Variants in SLC7A14 observed in about 807,000 individuals in gnomAD.
The protein encoded by SLC7A14 is solute carrier family 7 member 14.
Under a neutral mutation model 60.2 loss-of-function variants are expected in SLC7A14, and 37 were observed. That is an observed-to-expected ratio of 0.61 (90% CI 0.47 to 0.81). The LOEUF is 0.81. SLC7A14 is among the 30% of genes least tolerant of loss of function. SLC7A14 has a pLI of 0.00. For synonymous variants in SLC7A14, 399 were observed against 395.8 expected, an observed-to-expected ratio of 1.01 and a Z score of -0.10; for missense variants, 886 against 982.7, an observed-to-expected ratio of 0.90 and a Z score of 1.32.
At chr3:170,540,328 A>G (rs1029036242) in intron 1 of SLC7A14, among the ~76,000 whole-genome samples, 1 of 152,174 alleles carries the variant, frequency 6.6e-6, no homozygotes. Context: ...TTAGAGCTAT[A>G]CTTATCAATG....
At chr3:170,504,653 C>G (rs1485799410) in intron 2 of SLC7A14, among the ~76,000 whole-genome samples, 24 of 151,968 alleles carry the variant, frequency 1.6e-4, no homozygotes, top group Non-Finnish European at 4.4e-5. Flanking sequence ...TATCTAGGGT[C>G]CTAGATTACT....
chr3:170,576,454 G>C (rs1379746309), intron 1 of SLC7A14, among the ~76,000 whole-genome samples: 2 of 152,242 alleles, frequency 1.3e-5, no homozygotes, highest in African/African-American at 4.8e-5. Context: ...TGCCCCTGCA[G>C]AGGTTGGAGG....
intron 2 of SLC7A14, among the ~76,000 whole-genome samples, chr3:170,505,942 C>T (rs1226124519): frequency 1.3e-5 from 2 of 151,674 alleles, no homozygotes; most frequent in African/African-American, 4.8e-5. Context: ...TTTGGTGAAT[C>T]CATTAAAAAA....
intron 4 of SLC7A14, among the ~76,000 whole-genome samples, chr3:170,494,619 G>A (rs956847046): frequency 6.6e-6 from 1 of 152,244 alleles, no homozygotes; most frequent in Non-Finnish European, 1.5e-5. Flanking sequence ...TTTAAGTGGG[G>A]CCTAAACTAG....
chr3:170,544,383 G>A (rs1416107961), intron 1 of SLC7A14, among the ~76,000 whole-genome samples: 1 of 152,222 alleles, frequency 6.6e-6, no homozygotes, highest in Non-Finnish European at 1.5e-5. Context: ...CTCTTTTTGG[G>A]AGGCTAAAAA....
intron 2 of SLC7A14, among the ~76,000 whole-genome samples, chr3:170,504,616 G>A (rs537702460): frequency 2.6e-5 from 4 of 152,180 alleles, no homozygotes; most frequent in Non-Finnish European, 5.9e-5. Context: ...CACTGCGCCC[G>A]GCGAAACCTT....
chr3:170,473,048 T>C (rs1241026807), intron 7 of SLC7A14, among the ~76,000 whole-genome samples: 7 of 152,364 alleles, frequency 4.6e-5, no homozygotes, highest in South Asian at 2.1e-4. Flanking sequence ...TGAAATAGCA[T>C]TGGGACTCAT....
intron 1 of SLC7A14, among the ~76,000 whole-genome samples, chr3:170,558,748 A>G (rs78325706): frequency 0.011 from 1,638 of 152,362 alleles, 31 homozygotes; most frequent in African/African-American, 0.037. Context: ...TGTTTTTCCT[A>G]CAATGTCATT....
At chr3:170,539,397 G>A (rs1713943971) in intron 1 of SLC7A14, among the ~76,000 whole-genome samples, 2 of 151,972 alleles carry the variant, frequency 1.3e-5, no homozygotes, top group South Asian at 4.2e-4. Context: ...GTGGTCTCTT[G>A]TACTCTTTTC....
chr3:170,577,461 A>G (rs1039384041), intron 1 of SLC7A14, among the ~76,000 whole-genome samples: 2 of 151,384 alleles, frequency 1.3e-5, no homozygotes, highest in African/African-American at 4.9e-5. Context: ...TACTAAAAAT[A>G]CAAAAACTTA....
At chr3:170,526,580 A>G in intron 2 of SLC7A14, 53 bp downstream of exon 2, 1 of 1,578,472 alleles carries the variant, frequency 6.3e-7, no homozygotes, top group South Asian at 1.2e-5. Flanking sequence ...ATGAACAGTG[A>G]CCAGGCTGGT....
At chr3:170,470,618 C>CT (rs1365383353) in intron 7 of SLC7A14, among the ~76,000 whole-genome samples, 1 of 151,246 alleles carries the variant, frequency 6.6e-6, no homozygotes, top group Non-Finnish European at 1.5e-5. Flanking sequence ...GTGTGTCTAT[C>CT]TTTCTTGCTG....
intron 2 of SLC7A14, among the ~76,000 whole-genome samples, chr3:170,509,079 C>G (rs1712879770): frequency 6.6e-6 from 1 of 152,196 alleles, no homozygotes; most frequent in South Asian, 2.1e-4. Flanking sequence ...AGTGATTGGT[C>G]AGGTGCTCTG....
Position 170,560,135 on chromosome 3 carries a change from C to T in SLC7A14, c.-153+25776G>A, listed in dbSNP as rs117863940. ...CAGGAGGTCTATTGCTCAAGTAATT[C>T]TATCATTTTAAATTTAAGTTTCTGA... On this transcript the variant is annotated intron_variant, in intron 1 of 7. Transcript: ENST00000231706. 1.1e-3 allele frequency among the ~76,000 whole-genome samples: 168 copies of T among 152,276 alleles called. 5 individuals are homozygous for T. The East Asian group carries it at 0.029, about 26-fold the overall frequency.
chr3:170,540,064 G>T (rs1308575391), intron 1 of SLC7A14, among the ~76,000 whole-genome samples: 6 of 152,130 alleles, frequency 3.9e-5, no homozygotes, highest in Non-Finnish European at 4.4e-5. Flanking sequence ...GCGGGGTGGG[G>T]GGTAGTACAG....
chr3:170,577,215 G>A (rs971415335), intron 1 of SLC7A14, among the ~76,000 whole-genome samples: 1 of 152,236 alleles, frequency 6.6e-6, no homozygotes, highest in African/African-American at 2.4e-5. Flanking sequence ...CAGTCTTGAA[G>A]TAGTGAATGG....
At chr3:170,519,326 C>T (rs2108290202) in intron 2 of SLC7A14, among the ~76,000 whole-genome samples, 1 of 152,326 alleles carries the variant, frequency 6.6e-6, no homozygotes, top group East Asian at 1.9e-4. Context: ...CTTTTCCTTT[C>T]CTTCCTATCA....
At chr3:170,471,988 G>A (rs1345032718) in intron 7 of SLC7A14, among the ~76,000 whole-genome samples, 1 of 152,058 alleles carries the variant, frequency 6.6e-6, no homozygotes, top group African/African-American at 2.4e-5. Flanking sequence ...CTGTGGGGCT[G>A]GAATTATTTT....
chr3:170,470,870 T>C (rs533761101), intron 7 of SLC7A14, among the ~76,000 whole-genome samples: 2 of 152,266 alleles, frequency 1.3e-5, no homozygotes, highest in East Asian at 1.9e-4. Context: ...TGCTCCTTTT[T>C]TTAGTTGGCT....
Sources: allele counts gnomAD v4.1 joint callset (sites outside exome capture counted in the v4.1 genomes callset), GRCh38; gene constraint gnomAD v4.1.1; transcripts MANE v1.5; gene names NCBI Gene and HGNC (gene_info 2026-07-23, HGNC 2026-07-21).